FRAS1: variants seen among roughly 807,000 people sequenced by gnomAD.
FRAS1 encodes the protein Fraser extracellular matrix complex subunit 1.
A neutral mutation model predicts 435.2 loss-of-function variants in FRAS1; 290 were observed. That is an observed-to-expected ratio of 0.67 (90% confidence interval 0.61 to 0.73). FRAS1 has a LOEUF of 0.73. Ranked by LOEUF, FRAS1 falls within the 30% of genes least tolerant of loss-of-function variation. The pLI, the probability that FRAS1 is intolerant of heterozygous loss-of-function variation, is 0.00. For synonymous variants in FRAS1, 1,800 were observed against 1,851.0 expected (o/e 0.97, Z 0.71); for missense variants, 4,860 against 5,001.5 (o/e 0.97, Z 0.85).
chr4:78,385,752 G>A (rs1417557863), intron 28 of FRAS1, among the ~76,000 whole-genome samples: 1 of 152,028 alleles, frequency 6.6e-6, no homozygotes, highest in Admixed American at 6.5e-5. Context: ...GGGCATGGTG[G>A]TGGACACCTG....
chr4:78,470,048 T>A lies in FRAS1; in HGVS notation c.7328T>A (p.Val2443Asp), dbSNP rs1055889937. 5 of 1,613,612 alleles carry A rather than the reference T, an allele frequency of 3.1e-6. No homozygotes were observed. Among genetic ancestry groups the A allele is most frequent in the Non-Finnish European group, 4.2e-6 (5 of 1,179,798 alleles). Residue 2443 changes from valine to aspartate, a missense_variant, in exon 51 of 74, where the codon GTC (valine) becomes GAC (aspartate). Physicochemically the swap from Val to Asp is radical, Grantham distance 152 (BLOSUM62 -3). Coordinates refer to ENST00000512123, the MANE Select transcript of FRAS1 (RefSeq NM_025074.7). ...LPVDDGTPRI[V>D]TNLGLQWLEY... The stretch of plus-strand genomic sequence containing the variant: ...GTAGATGATGGCACGCCTAGAATTG[T>A]CACCAACCTGGGACTCCAGTGGCTG...
At chr4:78,521,449 G>A (rs922473485) in intron 67 of FRAS1, 74 bp from the exon 68 acceptor site, 20 of 908,618 alleles carry the variant, frequency 2.2e-5, no homozygotes, top group African/African-American at 5.0e-5. Context: ...GTGTCCTTGG[G>A]ATAACTTATA....
chr4:78,207,306 T>G (rs916810430), intron 2 of FRAS1, among the ~76,000 whole-genome samples: 5 of 152,220 alleles, frequency 3.3e-5, no homozygotes, highest in African/African-American at 1.2e-4. Context: ...CCAAAGTGAT[T>G]ATAATACTCC....
At chr4:78,149,290 A>C (rs1179007452) in intron 2 of FRAS1, among the ~76,000 whole-genome samples, 3 of 152,146 alleles carry the variant, frequency 2.0e-5, no homozygotes, top group African/African-American at 7.2e-5. Flanking sequence ...GTGTGTATTT[A>C]TTGGTTTCTT....
At chr4:78,345,617 A>G (rs1346545061) in intron 20 of FRAS1, among the ~76,000 whole-genome samples, 1 of 150,022 alleles carries the variant, frequency 6.7e-6, no homozygotes, top group African/African-American at 2.5e-5. Flanking sequence ...TTTGTAATGC[A>G]CTTTCTTTTC....
At chr4:78,215,260 A>T (rs1723714062) in intron 2 of FRAS1, among the ~76,000 whole-genome samples, 1 of 151,942 alleles carries the variant, frequency 6.6e-6, no homozygotes, top group Non-Finnish European at 1.5e-5. Flanking sequence ...CAATGGTGTG[A>T]TCTCTGCTCT....
In FRAS1 at chr4:78,252,384, A is replaced by T. The variant is rs1725575625; in HGVS notation, c.310-8A>T. On this transcript the variant is annotated splice_region_variant and splice_polypyrimidine_tract_variant and intron_variant, in intron 4 of 73. Coordinates refer to ENST00000512123, the MANE Select transcript of FRAS1 (RefSeq NM_025074.7). ...ACCTTTTTTTTTTTCTGTCTCCCTA[A>T]CACACAGCATGGGACAGAATGGGCC... The T allele has an allele frequency of 6.2e-7, 1 of 1,611,832 alleles. No individual in the cohort carries two copies. Among genetic ancestry groups the T allele is most frequent in the Admixed American group, 1.7e-5 (1 of 59,756 alleles).
intron 53 of FRAS1, 61 bp from the exon 54 acceptor site, chr4:78,475,377 C>CA: frequency 8.8e-6 from 14 of 1,584,602 alleles, no homozygotes; most frequent in Non-Finnish European, 1.2e-5. Flanking sequence ...AGGCATTAAA[C>CA]AAGTTGTTTT....
chr4:78,404,845 T>C (rs1433745236), intron 30 of FRAS1, among the ~76,000 whole-genome samples: 1 of 152,196 alleles, frequency 6.6e-6, no homozygotes, highest in African/African-American at 2.4e-5. Flanking sequence ...TAGAATGAAG[T>C]CCAGCCCCTT....
In FRAS1 at chr4:78,103,168, C is replaced by G. The variant is rs186287198; in HGVS notation, c.108+37152C>G. Among the ~76,000 whole-genome samples the G allele has an allele frequency of 3.4e-4, 52 of 152,308 alleles. 1 individual carries two copies. The highest frequency in any genetic ancestry group is 1.2e-3 in the African/African-American group (50 of 41,558). On this transcript the variant is annotated intron_variant, in intron 2 of 73. Transcript: ENST00000512123. ...CACCATGAAAGGACTGGTATTTAGA[C>G]TTTTAATATTATCTTCAGTAGCCAC...
intron 47 of FRAS1, among the ~76,000 whole-genome samples, chr4:78,456,138 C>CTTTTTTTTTTCTTTTTTTTTT (rs1553962164): frequency 5.8e-5 from 3 of 51,478 alleles, no homozygotes; most frequent in Non-Finnish European, 4.1e-5. Context: ...ACACATGTCA[C>CTTTTTTTTTTCTTTTTTTTTT]TTTTTTTTTT....
chr4:78,375,621 G>A (rs1286788631), intron 25 of FRAS1, 118 bp from the exon 26 acceptor site: 1 of 800,532 alleles, frequency 1.2e-6, no homozygotes, highest in Admixed American at 3.3e-5. Flanking sequence ...ATTCTCTTTT[G>A]TTACAGTTGG....
intron 49 of FRAS1, among the ~76,000 whole-genome samples, chr4:78,465,618 A>G (rs919362670): frequency 3.3e-5 from 5 of 152,254 alleles, no homozygotes; most frequent in Non-Finnish European, 7.3e-5. Flanking sequence ...CAAGAGGCCA[A>G]GAGGCTGGAA....
chr4:78,308,210 G>C lies in FRAS1; in HGVS notation c.1678+1G>C. 6.2e-7 allele frequency: 1 copy of C among 1,613,782 alleles called. No individual in the cohort carries two copies. Among genetic ancestry groups the C allele is most frequent in the Non-Finnish European group, 8.5e-7 (1 of 1,179,782 alleles). ...TACAACAGGCAGGGCACCTGTAGCG[G>C]TGAGTGCTGGGTTGCGATGCTGACG... On this transcript the variant is annotated splice_donor_variant, in intron 15 of 73. Coordinates refer to ENST00000512123, the MANE Select transcript of FRAS1 (RefSeq NM_025074.7). LOFTEE classifies it high-confidence loss of function.
In FRAS1 at chr4:78,521,600, A is replaced by G. The variant is rs1436441860; in HGVS notation, c.10618A>G (p.Ile3540Val). ...IYIREDGRLV[I>V]EFKTHAKFRG... ...CATTCGAGAGGATGGCCGTCTTGTC[A>G]TTGAATTCAAGACCCATGCCAAATT... The change falls in exon 68 of 74, where the codon ATT (isoleucine) becomes GTT (valine). Residue 3540 changes from isoleucine to valine, a missense_variant. Physicochemically the swap from Ile to Val is conservative, Grantham distance 29. Transcript: ENST00000512123. The G allele has an allele frequency of 5.0e-6, 8 of 1,610,078 alleles. No homozygotes were observed. The Admixed American group carries it at 5.0e-5, about 10-fold the overall frequency.
At chr4:78,315,062 A>G (rs1483078153) in intron 15 of FRAS1, among the ~76,000 whole-genome samples, 1 of 152,218 alleles carries the variant, frequency 6.6e-6, no homozygotes, top group African/African-American at 2.4e-5. Context: ...TTTAGGTGGT[A>G]AATGAATAAG....
chr4:78,431,082 A>G (rs948524314), intron 37 of FRAS1, among the ~76,000 whole-genome samples: 5 of 152,258 alleles, frequency 3.3e-5, no homozygotes, highest in African/African-American at 9.6e-5. Flanking sequence ...TCTGGATGCT[A>G]TATGTTCTTC....
At chr4:78,531,527 T>TAA (rs1355114095) in intron 70 of FRAS1, among the ~76,000 whole-genome samples, 1 of 152,160 alleles carries the variant, frequency 6.6e-6, no homozygotes, top group African/African-American at 2.4e-5. Flanking sequence ...AATACCTAGT[T>TAA]TATGGAGAGT....
At chr4:78,234,452 C>T (rs554125418) in intron 2 of FRAS1, among the ~76,000 whole-genome samples, 1 of 152,102 alleles carries the variant, frequency 6.6e-6, no homozygotes, top group Non-Finnish European at 1.5e-5. Context: ...ATCTCGATCT[C>T]CTGACCTCGT....
Sources: allele counts gnomAD v4.1 joint callset (sites outside exome capture counted in the v4.1 genomes callset), GRCh38; gene constraint gnomAD v4.1.1; transcripts MANE v1.5; gene names NCBI Gene and HGNC (gene_info 2026-07-23, HGNC 2026-07-21).